Variants in RAP1GAP2 observed in about 807,000 individuals in gnomAD.
The protein encoded by RAP1GAP2 is rap1 GTPase-activating protein 2.
In RAP1GAP2, 27 loss-of-function variants were observed where a neutral mutation model predicts 95.0. That is an observed-to-expected ratio of 0.28 (90% confidence interval 0.21 to 0.39). The LOEUF (loss-of-function observed/expected upper bound fraction) is 0.39, where lower values mean the gene tolerates loss of function less well. Ranked by LOEUF, RAP1GAP2 falls within the 10% of genes least tolerant of loss-of-function variation. RAP1GAP2 has a pLI of 1.00. For synonymous variants in RAP1GAP2, 373 were observed against 380.9 expected (o/e 0.98, Z 0.24); for missense variants, 771 against 970.0 (o/e 0.79, Z 2.72).
chr17:2,802,976 A>G (rs542675532), intron 2 of RAP1GAP2, among the ~76,000 whole-genome samples: 34 of 152,288 alleles, frequency 2.2e-4, no homozygotes, highest in Admixed American at 3.9e-4. Flanking sequence ...GTTTTCCTAG[A>G]GCTTTCTAGA....
intron 2 of RAP1GAP2, among the ~76,000 whole-genome samples, chr17:2,851,475 G>C (rs1353635187): frequency 6.6e-6 from 1 of 152,070 alleles, no homozygotes; most frequent in African/African-American, 2.4e-5. Flanking sequence ...TGGGAGTTAA[G>C]AGGGGAAATT....
At chr17:2,758,151 G>A (rs929766223) in intron 1 of RAP1GAP2, among the ~76,000 whole-genome samples, 6 of 149,516 alleles carry the variant, frequency 4.0e-5, no homozygotes, top group Non-Finnish European at 1.5e-5. Flanking sequence ...TTACAGGCGT[G>A]AGCCACCACG....
At chr17:2,876,726 C>G (rs2073111558) in intron 2 of RAP1GAP2, among the ~76,000 whole-genome samples, 1 of 152,168 alleles carries the variant, frequency 6.6e-6, no homozygotes, top group African/African-American at 2.4e-5. Context: ...TCAGCTGGGG[C>G]TGAATTCCAA....
At chr17:2,849,378 G>C (rs942344858) in intron 2 of RAP1GAP2, among the ~76,000 whole-genome samples, 3 of 152,210 alleles carry the variant, frequency 2.0e-5, no homozygotes, top group Non-Finnish European at 4.4e-5. Context: ...GGTGGCGTCT[G>C]CTGCAGGCTG....
intron 8 of RAP1GAP2, among the ~76,000 whole-genome samples, chr17:2,980,050 C>T (rs2045296622): frequency 6.6e-6 from 1 of 152,070 alleles, no homozygotes; most frequent in African/African-American, 2.4e-5. Flanking sequence ...AAGCGATTCT[C>T]CTGCCTTAGC....
Position 2,821,414 on chromosome 17 carries a change from C to T in RAP1GAP2, c.80+20864C>T, listed in dbSNP as rs573645482. On this transcript the variant is annotated intron_variant, in intron 2 of 24. Transcript: ENST00000254695. ...TTTTTGAGACGGAGTCTCGCTCTGT[C>T]GCCCAGGCTGGAGTGCAGTGGCACG... Among the ~76,000 whole-genome samples the T allele has an allele frequency of 1.4e-3, 186 of 137,138 alleles. 1 individual carries two copies. The highest frequency in any genetic ancestry group is 4.1e-3 in the East Asian group (19 of 4,636). 90.0% of individuals were successfully genotyped at this position (137,138 alleles called of 152,430 possible). A position where few individuals can be genotyped will look rare whatever the true frequency, so the allele number is the denominator to read the frequency against.
chr17:2,763,565 G>A (rs1055048888), intron 1 of RAP1GAP2, among the ~76,000 whole-genome samples: 22 of 151,906 alleles, frequency 1.4e-4, no homozygotes, highest in South Asian at 4.2e-4. Flanking sequence ...GCGTGGTGGC[G>A]GGTGCCTGTA....
intron 1 of RAP1GAP2, among the ~76,000 whole-genome samples, chr17:2,764,095 G>A (rs896631123): frequency 2.0e-5 from 3 of 151,740 alleles, no homozygotes; most frequent in African/African-American, 7.3e-5. Context: ...GTCATAATCA[G>A]AAGATATCTT....
At chr17:2,974,129 CAGG>C (rs1048252918) in intron 8 of RAP1GAP2, among the ~76,000 whole-genome samples, 2 of 149,466 alleles carry the variant, frequency 1.3e-5, no homozygotes, top group South Asian at 2.1e-4. Flanking sequence ...ATCACGAGGT[CAGG>C]AGATCGAGAC....
intron 11 of RAP1GAP2, among the ~76,000 whole-genome samples, chr17:2,988,475 A>G (rs142577008): frequency 4.6e-5 from 7 of 152,364 alleles, no homozygotes; most frequent in African/African-American, 1.7e-4. Flanking sequence ...GTAGTCATAT[A>G]GTGTATAACC....
intron 2 of RAP1GAP2, among the ~76,000 whole-genome samples, chr17:2,823,839 TG>T (rs1235364857): frequency 3.3e-5 from 5 of 152,078 alleles, no homozygotes; most frequent in Non-Finnish European, 2.9e-5. Context: ...AAACAGCACA[TG>T]GGGCCGGGCA....
chr17:2,941,668 G>GTTTTT (rs59002572), intron 3 of RAP1GAP2, among the ~76,000 whole-genome samples: 1 of 135,936 alleles, frequency 7.4e-6, no homozygotes. Context: ...TGACTCTTGG[G>GTTTTT]TTTTTTTTTT....
At chr17:3,009,176 T>TA (rs1397875873) in intron 17 of RAP1GAP2, among the ~76,000 whole-genome samples, 1 of 152,126 alleles carries the variant, frequency 6.6e-6, no homozygotes, top group Non-Finnish European at 1.5e-5. Context: ...AACATAAGGA[T>TA]AGGAAGCAGG....
chr17:2,868,272 G>A (rs2072696666), intron 2 of RAP1GAP2, among the ~76,000 whole-genome samples: 1 of 152,148 alleles, frequency 6.6e-6, no homozygotes, highest in Non-Finnish European at 1.5e-5. Flanking sequence ...CCCTGGTGGA[G>A]GGCCAGGCCC....
At chr17:3,006,867 A>G (rs2046358661) in intron 16 of RAP1GAP2, among the ~76,000 whole-genome samples, 1 of 152,010 alleles carries the variant, frequency 6.6e-6, no homozygotes, top group Non-Finnish European at 1.5e-5. Flanking sequence ...GGTCATTACT[A>G]AATAGATAGT....
At chr17:2,911,206 C>A (rs2042368521) in intron 3 of RAP1GAP2, among the ~76,000 whole-genome samples, 1 of 151,824 alleles carries the variant, frequency 6.6e-6, no homozygotes, top group East Asian at 1.9e-4. Context: ...GTGCCTGCTG[C>A]TACCCGACCT....
intron 1 of RAP1GAP2, among the ~76,000 whole-genome samples, chr17:2,787,369 A>T (rs1030975800): frequency 2.0e-5 from 3 of 149,408 alleles, no homozygotes; most frequent in Non-Finnish European, 4.4e-5. Context: ...ATCCTTCCAC[A>T]TCAGCCTTCT....
chr17:2,947,655 G>A (rs1258276672), intron 3 of RAP1GAP2, among the ~76,000 whole-genome samples: 1 of 152,146 alleles, frequency 6.6e-6, no homozygotes, highest in African/African-American at 2.4e-5. Context: ...TCTGCAGCCA[G>A]CCTGGTGGCC....
chr17:2,824,036 T>G (rs1177967955), intron 2 of RAP1GAP2, among the ~76,000 whole-genome samples: 2 of 144,328 alleles, frequency 1.4e-5, no homozygotes, highest in African/African-American at 5.2e-5. Flanking sequence ...GGCAGGAGAA[T>G]GGCGTGAACC....
Sources: allele counts gnomAD v4.1 joint callset (sites outside exome capture counted in the v4.1 genomes callset), GRCh38; gene constraint gnomAD v4.1.1; transcripts MANE v1.5; gene names NCBI Gene and HGNC (gene_info 2026-07-23, HGNC 2026-07-21).